Variants in SAMD4A observed in about 807,000 individuals in gnomAD.
SAMD4A encodes the protein sterile alpha motif domain containing 4A.
SAMD4A carries 33 observed loss-of-function variants against 81.3 expected under a neutral mutation model. That is an observed-to-expected ratio of 0.41 (90% confidence interval 0.31 to 0.54). SAMD4A has a LOEUF of 0.54. Among genes scored for constraint, SAMD4A ranks in the 20% least tolerant of loss-of-function variants. The pLI is 0.37. For synonymous variants in SAMD4A, 389 were observed against 382.1 expected (o/e 1.02, Z -0.21); for missense variants, 854 against 951.1 (o/e 0.90, Z 1.34).
chr14:54,661,622 T>C (rs1033338885), intron 2 of SAMD4A, among the ~76,000 whole-genome samples: 2 of 152,184 alleles, frequency 1.3e-5, no homozygotes, highest in African/African-American at 4.8e-5. Context: ...GATTCCTTCT[T>C]TGTGCATGCA....
chr14:54,684,617 C>CCCCCCCCCCCCG (rs2036210738), intron 2 of SAMD4A, among the ~76,000 whole-genome samples: 52 of 134,272 alleles, frequency 3.9e-4, no homozygotes, highest in Non-Finnish European at 6.3e-4. Context: ...CCCCCGCCCC[C>CCCCCCCCCCCCG]CCCCCCAACC....
chr14:54,715,379 A>T (rs2037093111), intron 3 of SAMD4A, among the ~76,000 whole-genome samples: 1 of 152,070 alleles, frequency 6.6e-6, no homozygotes, highest in African/African-American at 2.4e-5. Flanking sequence ...TGATGAGTCG[A>T]TAGTACTCAT....
At chr14:54,628,706 G>A (rs1276009856) in intron 2 of SAMD4A, among the ~76,000 whole-genome samples, 1 of 152,112 alleles carries the variant, frequency 6.6e-6, no homozygotes, top group Non-Finnish European at 1.5e-5. Flanking sequence ...TTTGACCTAT[G>A]TGCTGCTATT....
intron 2 of SAMD4A, among the ~76,000 whole-genome samples, chr14:54,627,447 A>G (rs575602544): frequency 1.3e-5 from 2 of 152,320 alleles, no homozygotes; most frequent in South Asian, 2.1e-4. Flanking sequence ...GCTCCTGAAT[A>G]TCTAGCACAC....
rs369407390 is a variant in SAMD4A, at chr14:54,633,587, G to C, written c.196+65475G>C. Among the ~76,000 whole-genome samples the C allele has an allele frequency of 5.1e-4, 77 of 152,130 alleles. 1 individual carries two copies. Among genetic ancestry groups the C allele is most frequent in the African/African-American group, 1.7e-3 (71 of 41,504 alleles). ...AGAGAGTGGGGTGCCTGGTGCCTAG[G>C]GGGTAGTGGGGATGGAGGAGGTGGA... On this transcript the variant is annotated intron_variant, in intron 2 of 12. Coordinates refer to ENST00000554335, the MANE Select transcript of SAMD4A (RefSeq NM_015589.6).
Position 54,724,003 on chromosome 14 carries a change from TGGATGGAAGGAAGGAA to T in SAMD4A, c.716-13017_716-13002del, listed in dbSNP as rs1383894034. Among the ~76,000 whole-genome samples, 25 of 56,492 alleles carry T rather than the reference TGGATGGAAGGAAGGAA, an allele frequency of 4.4e-4. No homozygotes were observed. The East Asian group carries it at 6.1e-3, about 14-fold the overall frequency. 37.1% of individuals were successfully genotyped at this position (56,492 alleles called of 152,430 possible). A position where few individuals can be genotyped will look rare whatever the true frequency, so the allele number is the denominator to read the frequency against. On this transcript the variant is annotated intron_variant, in intron 3 of 12. Coordinates refer to ENST00000554335, the MANE Select transcript of SAMD4A (RefSeq NM_015589.6). ...GCTCAGCAAATATTGGATGGATGGA[TGGATGGAAGGAAGGAA>T]GGAAGGAAGGAAGGAAGGAAGGAAG... is the stretch of plus-strand genomic sequence containing the variant.
At chr14:54,655,507 G>A (rs1192142050) in intron 2 of SAMD4A, among the ~76,000 whole-genome samples, 7 of 152,122 alleles carry the variant, frequency 4.6e-5, no homozygotes, top group African/African-American at 9.7e-5. Context: ...TGAGGCAGGC[G>A]GATCACCTGA....
chr14:54,584,095 T>G (rs768852461), intron 2 of SAMD4A, among the ~76,000 whole-genome samples: 10 of 152,340 alleles, frequency 6.6e-5, no homozygotes, highest in Non-Finnish European at 1.0e-4. Context: ...AGCAATTTCA[T>G]AAAGAATAAA....
intron 3 of SAMD4A, among the ~76,000 whole-genome samples, chr14:54,714,630 G>C (rs1192332578): frequency 6.6e-6 from 1 of 152,082 alleles, no homozygotes; most frequent in Non-Finnish European, 1.5e-5. Flanking sequence ...GGTCCAGAAA[G>C]TTGGTTAAGT....
At chr14:54,757,662 G>A (rs2038282138) in intron 6 of SAMD4A, among the ~76,000 whole-genome samples, 1 of 152,184 alleles carries the variant, frequency 6.6e-6, no homozygotes, top group South Asian at 2.1e-4. Context: ...GCATGGGATG[G>A]CATGGCAGGG....
intron 3 of SAMD4A, among the ~76,000 whole-genome samples, chr14:54,717,522 A>G (rs1031609887): frequency 6.6e-6 from 1 of 152,118 alleles, no homozygotes; most frequent in Admixed American, 6.6e-5. Flanking sequence ...GCATAATGTT[A>G]ATACCCCAAC....
At chr14:54,694,814 CAAG>C in intron 2 of SAMD4A, 3 of 985,402 alleles carry the variant, frequency 3.0e-6, no homozygotes, top group Non-Finnish European at 3.6e-6. Flanking sequence ...CCTGGGTCCT[CAAG>C]GAGTAAAGGA....
intron 2 of SAMD4A, among the ~76,000 whole-genome samples, chr14:54,636,570 TG>T (rs1312154045): frequency 6.6e-6 from 1 of 152,180 alleles, no homozygotes; most frequent in African/African-American, 2.4e-5. Context: ...GTTGGAAGGC[TG>T]GTAGAGTAAG....
chr14:54,792,225 G>C lies in SAMD4A; in HGVS notation c.*3281G>C, dbSNP rs146234955. 6.6e-6 allele frequency: 1 copy of C among 152,298 alleles called. No individual in the cohort carries two copies. The highest frequency in any genetic ancestry group is 2.1e-4 in the South Asian group (1 of 4,826). The allele number at this position is 152,298 out of a possible 1,614,324, so 9.4% of individuals were successfully genotyped here. Reference sequence around the variant, plus strand: ...AAAATAGATGTGGCTGGGTCTGCCTGTCCGGGCGGCTCTTTGCACCGAGCT... The same window carrying C: ...AAAATAGATGTGGCTGGGTCTGCCTCTCCGGGCGGCTCTTTGCACCGAGCT... On this transcript the variant is annotated 3_prime_UTR_variant, in exon 13 of 13. Transcript: ENST00000554335.
intron 11 of SAMD4A, among the ~76,000 whole-genome samples, chr14:54,777,788 C>T (rs757798002): frequency 5.3e-5 from 8 of 152,156 alleles, no homozygotes; most frequent in Non-Finnish European, 1.0e-4. Flanking sequence ...GAGGCCTGCT[C>T]ACATTGCTTC....
At chr14:54,785,901 G>A (rs912273874) in intron 12 of SAMD4A, among the ~76,000 whole-genome samples, 10 of 152,210 alleles carry the variant, frequency 6.6e-5, no homozygotes, top group African/African-American at 1.7e-4. Context: ...AGCCCCTTCT[G>A]TGACTTCCCC....
At chr14:54,650,513 G>A (rs898547241) in intron 2 of SAMD4A, among the ~76,000 whole-genome samples, 3 of 152,160 alleles carry the variant, frequency 2.0e-5, no homozygotes, top group Admixed American at 1.3e-4. Flanking sequence ...GTCATGCCTC[G>A]TGGGTTGGCA....
chr14:54,674,290 G>A (rs924573978), intron 2 of SAMD4A, among the ~76,000 whole-genome samples: 4 of 152,250 alleles, frequency 2.6e-5, no homozygotes, highest in Non-Finnish European at 4.4e-5. Flanking sequence ...GGGAAGGGCA[G>A]GAGTTTTGCT....
At chr14:54,603,348 G>A (rs182016507) in intron 2 of SAMD4A, among the ~76,000 whole-genome samples, 32 of 152,236 alleles carry the variant, frequency 2.1e-4, no homozygotes, top group African/African-American at 6.0e-4. Context: ...AATTAAACCC[G>A]AAAATACTGT....
Sources: allele counts gnomAD v4.1 joint callset (sites outside exome capture counted in the v4.1 genomes callset), GRCh38; gene constraint gnomAD v4.1.1; transcripts MANE v1.5; gene names NCBI Gene and HGNC (gene_info 2026-07-23, HGNC 2026-07-21).